Variants in CPLX1 observed in about 807,000 individuals in gnomAD.
The protein encoded by CPLX1 is complexin-1.
CPLX1 carries 6 observed loss-of-function variants against 15.6 expected under a neutral mutation model. That is an observed-to-expected ratio of 0.39 (90% CI 0.21 to 0.76). CPLX1 has a LOEUF of 0.76. CPLX1 is among the 30% of genes least tolerant of loss of function. The pLI, the probability that CPLX1 is intolerant of heterozygous loss-of-function variation, is 0.43. For missense variants in CPLX1, 242 were observed against 188.6 expected (o/e 1.28, Z -1.66); for synonymous variants, 91 against 75.2 (o/e 1.21, Z -1.08).
Position 785,532 on chromosome 4 carries a change from C to G in CPLX1, c.*969G>C, listed in dbSNP as rs1363603044. ...TCAACAAATTGTGATGCAAATTAAA[C>G]ATGAATGGAGGAGAAACAGGGGCTC... On this transcript the variant is annotated 3_prime_UTR_variant, in exon 4 of 4. Coordinates refer to ENST00000304062, the MANE Select transcript of CPLX1 (RefSeq NM_006651.4). 1 of 152,592 alleles carries G rather than the reference C, an allele frequency of 6.6e-6. No individual in the cohort carries two copies. The highest frequency in any genetic ancestry group is 1.5e-5 in the Non-Finnish European group (1 of 68,060). The allele number at this position is 152,592 out of a possible 1,614,324, so 9.5% of individuals were successfully genotyped here.
chr4:818,896 C>T (rs1339725101), intron 2 of CPLX1, among the ~76,000 whole-genome samples: 2 of 152,212 alleles, frequency 1.3e-5, no homozygotes, highest in African/African-American at 2.4e-5. Context: ...GGTGGGGCCT[C>T]GCCTCATCCC....
At chr4:804,894 G>C (rs1746525980) in intron 2 of CPLX1, 1 of 985,346 alleles carries the variant, frequency 1.0e-6, no homozygotes, top group African/African-American at 1.7e-5. Flanking sequence ...TTGGAACGCA[G>C]GCGGCAGCCA....
At chr4:795,439 G>A (rs1560239146) in intron 2 of CPLX1, among the ~76,000 whole-genome samples, 1 of 152,220 alleles carries the variant, frequency 6.6e-6, no homozygotes, top group Non-Finnish European at 1.5e-5. Context: ...CCCCGCCCCC[G>A]TTTCCAGAGG....
chr4:799,730 G>A (rs1430048558), intron 2 of CPLX1, among the ~76,000 whole-genome samples: 3 of 152,166 alleles, frequency 2.0e-5, no homozygotes, highest in Non-Finnish European at 4.4e-5. Context: ...AGGCATGGTG[G>A]CATGTGCCTG....
At chr4:825,732 C>CCG (rs1000834578) in intron 1 of CPLX1, among the ~76,000 whole-genome samples, 70 of 149,082 alleles carry the variant, frequency 4.7e-4, no homozygotes, top group Middle Eastern at 4.0e-3. Context: ...GCCCCGGACC[C>CCG]CGCGCGCGCG....
intron 2 of CPLX1, among the ~76,000 whole-genome samples, chr4:796,641 A>T (rs1212353612): frequency 6.6e-6 from 1 of 152,224 alleles, no homozygotes; most frequent in Non-Finnish European, 1.5e-5. Flanking sequence ...ACTACGGGGA[A>T]AATTATAGAA....
intron 2 of CPLX1, among the ~76,000 whole-genome samples, chr4:796,311 C>T (rs565240353): frequency 2.6e-5 from 4 of 152,314 alleles, no homozygotes; most frequent in Admixed American, 2.6e-4. Context: ...GAGACCTGGA[C>T]ATGGTACCAG....
At chr4:790,325 A>T (rs1169258260) in intron 3 of CPLX1, among the ~76,000 whole-genome samples, 2 of 152,164 alleles carry the variant, frequency 1.3e-5, no homozygotes, top group Non-Finnish European at 2.9e-5. Flanking sequence ...CCAAGGCAGG[A>T]TCGCAGGTTG....
intron 1 of CPLX1, 170 bp from the exon 2 acceptor site, chr4:824,771 G>A (rs911223391): frequency 1.5e-6 from 1 of 681,928 alleles, no homozygotes; most frequent in African/African-American, 1.8e-5. Context: ...ACCCAAACCA[G>A]GACCCCAGAG....
At chr4:788,619 G>A (rs1013914557) in intron 3 of CPLX1, 7 of 984,332 alleles carry the variant, frequency 7.1e-6, no homozygotes, top group African/African-American at 1.7e-5. Context: ...AGCAAGAGCA[G>A]ATTGGTTCTC....
At chr4:809,752 G>T (rs1224714991) in intron 2 of CPLX1, among the ~76,000 whole-genome samples, 1 of 152,172 alleles carries the variant, frequency 6.6e-6, no homozygotes, top group Non-Finnish European at 1.5e-5. Context: ...TGGCCTGTGT[G>T]GCCCCTCCCA....
At chr4:797,286 A>G (rs1200484070) in intron 2 of CPLX1, among the ~76,000 whole-genome samples, 2 of 152,192 alleles carry the variant, frequency 1.3e-5, no homozygotes, top group Admixed American at 6.5e-5. Flanking sequence ...GGGAGCAGGC[A>G]GTCAGCTCGG....
rs1745983299 is a variant in CPLX1 at position 786,288 on chromosome 4, C to T, written c.*213G>A. 5 of 420,638 alleles carry T rather than the reference C, an allele frequency of 1.2e-5. No individual in the cohort carries two copies. Among genetic ancestry groups the T allele is most frequent in the Non-Finnish European group, 1.7e-5 (4 of 241,238 alleles). The allele number at this position is 420,638 out of a possible 1,614,324, so 26.1% of individuals were successfully genotyped here. On this transcript the variant is annotated 3_prime_UTR_variant, in exon 4 of 4. Coordinates refer to ENST00000304062, the MANE Select transcript of CPLX1 (RefSeq NM_006651.4). ...GTCCCAGGCGATGGGGCTCCAGCCA[C>T]CCGCGGGCAGAGGAGCACGGGGCGG...
At chr4:786,953 T>C (rs1746013629) in intron 3 of CPLX1, 1 of 985,030 alleles carries the variant, frequency 1.0e-6, no homozygotes, top group South Asian at 4.7e-5. Context: ...CCCATCTTCC[T>C]TGAGAGGAGA....
At chr4:790,963 T>TC (rs1746153460) in intron 3 of CPLX1, among the ~76,000 whole-genome samples, 1 of 133,966 alleles carries the variant, frequency 7.5e-6, no homozygotes, top group Non-Finnish European at 1.6e-5. Context: ...TCCCTCTCTG[T>TC]GTCTCTGTCT....
intron 3 of CPLX1, among the ~76,000 whole-genome samples, chr4:789,674 G>C (rs1156547579): frequency 6.6e-6 from 1 of 152,200 alleles, no homozygotes; most frequent in African/African-American, 2.4e-5. Flanking sequence ...CCTGCTCCCT[G>C]GGCCCGGGCC....
chr4:790,327 C>T (rs1430959123), intron 3 of CPLX1, among the ~76,000 whole-genome samples: 2 of 152,308 alleles, frequency 1.3e-5, no homozygotes, highest in Admixed American at 6.5e-5. Context: ...AAGGCAGGAT[C>T]GCAGGTTGGT....
intron 2 of CPLX1, among the ~76,000 whole-genome samples, chr4:822,593 C>T (rs1322527410): frequency 6.6e-6 from 1 of 152,174 alleles, no homozygotes; most frequent in Admixed American, 6.5e-5. Context: ...CTTTGAACGG[C>T]TTCCTGGGTG....
chr4:821,469 G>A (rs2152648731), intron 2 of CPLX1, among the ~76,000 whole-genome samples: 1 of 152,326 alleles, frequency 6.6e-6, no homozygotes, highest in East Asian at 1.9e-4. Context: ...CAGGGCGTGT[G>A]TCACATCAAG....
Sources: allele counts gnomAD v4.1 joint callset (sites outside exome capture counted in the v4.1 genomes callset), GRCh38; gene constraint gnomAD v4.1.1; transcripts MANE v1.5; gene names NCBI Gene and HGNC (gene_info 2026-07-23, HGNC 2026-07-21).